Variants in COL8A1 observed in about 807,000 individuals in gnomAD.
COL8A1 encodes the protein collagen type VIII alpha 1 chain.
COL8A1 carries 21 observed loss-of-function variants against 42.7 expected under a neutral mutation model. That is an observed-to-expected ratio of 0.49 (90% CI 0.35 to 0.71). The LOEUF (loss-of-function observed/expected upper bound fraction) is 0.71, where lower values mean the gene tolerates loss of function less well. Among genes scored for constraint, COL8A1 ranks in the 30% least tolerant of loss-of-function variants. COL8A1 has a pLI of 0.01. For missense variants in COL8A1, 788 were observed against 962.4 expected, an observed-to-expected ratio of 0.82 and a Z score of 2.40; for synonymous variants, 367 against 369.1, an observed-to-expected ratio of 0.99 and a Z score of 0.06.
chr3:99,760,813 G>A (rs1487070230), intron 2 of COL8A1, among the ~76,000 whole-genome samples: 1 of 152,202 alleles, frequency 6.6e-6, no homozygotes, highest in Non-Finnish European at 1.5e-5. Flanking sequence ...TCAGCACAGA[G>A]GGTAGGCAGC....
At chr3:99,692,763 C>T (rs530659089) in intron 1 of COL8A1, among the ~76,000 whole-genome samples, 12 of 152,324 alleles carry the variant, frequency 7.9e-5, no homozygotes, top group Admixed American at 5.9e-4. Context: ...AGTCTGTAGC[C>T]TAGTCAAGTT....
intron 2 of COL8A1, among the ~76,000 whole-genome samples, chr3:99,759,639 T>C (rs1258321527): frequency 6.6e-6 from 1 of 152,208 alleles, no homozygotes; most frequent in African/African-American, 2.4e-5. Context: ...TAACCAATGT[T>C]TTTTTAGACA....
chr3:99,768,337 T>C (rs897461306), intron 2 of COL8A1, among the ~76,000 whole-genome samples: 1 of 152,236 alleles, frequency 6.6e-6, no homozygotes, highest in Non-Finnish European at 1.5e-5. Flanking sequence ...TGTCAGATGG[T>C]ATGGGCTATT....
At chr3:99,785,370 C>T (rs1941874210) in intron 2 of COL8A1, among the ~76,000 whole-genome samples, 2 of 152,072 alleles carry the variant, frequency 1.3e-5, no homozygotes, top group Admixed American at 6.6e-5. Context: ...TATTCTTGTC[C>T]TCAGAAAGCT....
intron 2 of COL8A1, among the ~76,000 whole-genome samples, chr3:99,754,107 C>T (rs1446708868): frequency 6.6e-6 from 1 of 152,104 alleles, no homozygotes; most frequent in Non-Finnish European, 1.5e-5. Flanking sequence ...TTTTCTGATC[C>T]TTCCAAATGA....
chr3:99,691,740 C>A (rs1939227555), intron 1 of COL8A1: 2 of 149,448 alleles, frequency 1.3e-5, no homozygotes, highest in Admixed American at 1.3e-4. Flanking sequence ...AATCCAAGCC[C>A]TCTCTTTCAA....
chr3:99,735,504 C>T (rs1195866571), intron 1 of COL8A1, among the ~76,000 whole-genome samples: 1 of 147,444 alleles, frequency 6.8e-6, no homozygotes, highest in Non-Finnish European at 1.5e-5. Context: ...ATGAAGCCCA[C>T]TTGATCATGG....
chr3:99,667,089 C>T (rs1938388826), intron 1 of COL8A1, among the ~76,000 whole-genome samples: 1 of 152,134 alleles, frequency 6.6e-6, no homozygotes, highest in Non-Finnish European at 1.5e-5. Context: ...ATAACTTGCA[C>T]GGCATGTGGT....
chr3:99,688,417 G>A (rs370167763), intron 1 of COL8A1, among the ~76,000 whole-genome samples: 1 of 152,052 alleles, frequency 6.6e-6, no homozygotes. Context: ...ACTTCAGAGC[G>A]CATCGTTCCA....
At chr3:99,665,825 G>A (rs1265683315) in intron 1 of COL8A1, among the ~76,000 whole-genome samples, 1 of 150,964 alleles carries the variant, frequency 6.6e-6, no homozygotes, top group African/African-American at 2.4e-5. Context: ...GGGATTACAG[G>A]TGCCCGCTGC....
At chr3:99,719,019 T>TA in intron 1 of COL8A1, among the ~76,000 whole-genome samples, 1 of 152,092 alleles carries the variant, frequency 6.6e-6, no homozygotes, top group Non-Finnish European at 1.5e-5. Context: ...TGCATTCTGA[T>TA]TCTATAACTC....
At chr3:99,697,315 G>A (rs1939409132) in intron 1 of COL8A1, among the ~76,000 whole-genome samples, 1 of 152,170 alleles carries the variant, frequency 6.6e-6, no homozygotes, top group Non-Finnish European at 1.5e-5. Context: ...AAGAACTTGA[G>A]TGTATATTTC....
chr3:99,659,583 T>C (rs953800694), intron 1 of COL8A1, among the ~76,000 whole-genome samples: 2 of 152,070 alleles, frequency 1.3e-5, no homozygotes, highest in African/African-American at 4.8e-5. Flanking sequence ...CAAAGAAAAA[T>C]AAGTAGATAT....
intron 3 of COL8A1, among the ~76,000 whole-genome samples, chr3:99,791,960 A>G (rs533629943): frequency 6.6e-6 from 1 of 152,334 alleles, no homozygotes; most frequent in African/African-American, 2.4e-5. Context: ...ACCATAGGAA[A>G]TTGGAGTTGC....
At chr3:99,644,784 A>G (rs928306947) in intron 1 of COL8A1, among the ~76,000 whole-genome samples, 10 of 152,190 alleles carry the variant, frequency 6.6e-5, no homozygotes, top group African/African-American at 2.4e-4. Context: ...TTCATGTGCT[A>G]CTTTTCCAAC....
chr3:99,747,215 CAT>C (rs1941044867), intron 2 of COL8A1, among the ~76,000 whole-genome samples: 1 of 152,144 alleles, frequency 6.6e-6, no homozygotes, highest in South Asian at 2.1e-4. Context: ...AATGATAGAA[CAT>C]AGACATTTTG....
chr3:99,777,856 A>G (rs1191480476), intron 2 of COL8A1, among the ~76,000 whole-genome samples: 2 of 152,246 alleles, frequency 1.3e-5, no homozygotes, highest in African/African-American at 4.8e-5. Context: ...TTCATCCTGA[A>G]GAGAACTCTC....
At chr3:99,666,194 C>G (rs1938364299) in intron 1 of COL8A1, among the ~76,000 whole-genome samples, 1 of 152,106 alleles carries the variant, frequency 6.6e-6, no homozygotes, top group South Asian at 2.1e-4. Flanking sequence ...CCAAGGTGCT[C>G]TAATCATCAA....
intron 3 of COL8A1, among the ~76,000 whole-genome samples, chr3:99,793,774 TG>T: frequency 6.6e-6 from 1 of 152,332 alleles, no homozygotes; most frequent in South Asian, 2.1e-4. Context: ...CTTTTGGAGA[TG>T]GAGTTTCGCT....
Sources: allele counts gnomAD v4.1 joint callset (sites outside exome capture counted in the v4.1 genomes callset), GRCh38; gene constraint gnomAD v4.1.1; transcripts MANE v1.5; gene names NCBI Gene and HGNC (gene_info 2026-07-23, HGNC 2026-07-21).